The following DIAPH1 variants were observed in gnomAD, a reference collection of about 807,000 sequenced individuals.
The protein encoded by DIAPH1 is diaphanous related formin 1, also known as protein diaphanous homolog 1.
Under a neutral mutation model 140.7 loss-of-function variants are expected in DIAPH1, and 46 were observed. That is an observed-to-expected ratio of 0.33 (90% confidence interval 0.26 to 0.42). The LOEUF (loss-of-function observed/expected upper bound fraction) is 0.42, where lower values mean the gene tolerates loss of function less well. Ranked by LOEUF, DIAPH1 falls within the 10% of genes least tolerant of loss-of-function variation. DIAPH1 has a pLI of 1.00. For synonymous variants in DIAPH1, 565 were observed against 551.6 expected (o/e 1.02, Z -0.34); for missense variants, 1,310 against 1,558.7 (o/e 0.84, Z 2.69).
At chr5:141,591,268 T>C (rs868807406) in intron 1 of DIAPH1, among the ~76,000 whole-genome samples, 2 of 152,238 alleles carry the variant, frequency 1.3e-5, no homozygotes, top group East Asian at 3.9e-4. Context: ...CCTTTCCTTG[T>C]GTTTCCATAG....
chr5:141,524,390 G>A (rs770970698), intron 26 of DIAPH1, 161 bp from the exon 27 acceptor site: 8 of 706,118 alleles, frequency 1.1e-5, no homozygotes, highest in Middle Eastern at 2.6e-4. Context: ...AGTCTCACAC[G>A]CTCATGTTTA....
intron 1 of DIAPH1, among the ~76,000 whole-genome samples, chr5:141,605,738 C>T (rs374348316): frequency 1.7e-4 from 26 of 152,306 alleles, no homozygotes; most frequent in African/African-American, 5.5e-4. Flanking sequence ...GGGTCTCTTC[C>T]GACTCCTTAA....
intron 1 of DIAPH1, 79 bp from the exon 2 acceptor site, chr5:141,588,329 G>T (rs2154596732): frequency 9.2e-7 from 1 of 1,087,596 alleles, no homozygotes; most frequent in Non-Finnish European, 1.4e-6. Flanking sequence ...CACCAGACGG[G>T]TTGGGGAAAA....
intron 14 of DIAPH1, among the ~76,000 whole-genome samples, chr5:141,575,451 C>T (rs1041797509): frequency 6.6e-6 from 1 of 152,166 alleles, no homozygotes; most frequent in Non-Finnish European, 1.5e-5. Context: ...AAGTTCGAGA[C>T]CAACCTGTCC....
chr5:141,596,185 T>C (rs2099899293), intron 1 of DIAPH1, among the ~76,000 whole-genome samples: 2 of 151,878 alleles, frequency 1.3e-5, no homozygotes, highest in East Asian at 1.9e-4. Flanking sequence ...TACAAAAAAT[T>C]AGCCGGGCGT....
chr5:141,542,816 T>C (rs1361062262), intron 18 of DIAPH1, among the ~76,000 whole-genome samples: 1 of 152,328 alleles, frequency 6.6e-6, no homozygotes, highest in South Asian at 2.1e-4. Flanking sequence ...TGCCACTAAA[T>C]TGCTTGCTCT....
At chr5:141,575,924 G>GT (rs894438406) in intron 14 of DIAPH1, among the ~76,000 whole-genome samples, 5 of 152,134 alleles carry the variant, frequency 3.3e-5, no homozygotes, top group Non-Finnish European at 7.4e-5. Context: ...TGTTCTAGGG[G>GT]TAAGAGGCCT....
chr5:141,578,145 C>T, intron 11 of DIAPH1, 80 bp downstream of exon 11: 1 of 1,075,314 alleles, frequency 9.3e-7, no homozygotes, highest in Non-Finnish European at 1.5e-6. Context: ...CATCATCTCC[C>T]AAACCATTCC....
At chr5:141,593,210 A>G (rs2099898758) in intron 1 of DIAPH1, among the ~76,000 whole-genome samples, 1 of 152,188 alleles carries the variant, frequency 6.6e-6, no homozygotes, top group Admixed American at 6.5e-5. Context: ...GAGGCTAAAA[A>G]TAAGACTGGT....
chr5:141,557,305 A>C (rs1416765747), intron 18 of DIAPH1, among the ~76,000 whole-genome samples: 1 of 152,204 alleles, frequency 6.6e-6, no homozygotes, highest in East Asian at 1.9e-4. Flanking sequence ...ACAAGGATAC[A>C]TGTAAAAATA....
chr5:141,524,160 T>A lies in DIAPH1; in HGVS notation c.3644A>T (p.Lys1215Met). The change falls in exon 27 of 28, where the codon AAG (lysine) becomes ATG (methionine). Residue 1215 changes from lysine to methionine, a missense_variant. Lys to Met is a moderately conservative substitution (Grantham distance 95, BLOSUM62 -1). Around this residue, in one of 3 missense-constraint regions of DIAPH1, gnomAD observed 344 missense variants for 512.2 expected, o/e 0.67. Coordinates refer to ENST00000389054, the MANE Select transcript of DIAPH1 (RefSeq NM_005219.5). Reference sequence around the variant, plus strand: ...TTACTTACCTTGACGGGGCCCTCTCTTCCGTCGGAATGCTGCCCCTGACTG... The same window carrying A: ...TTACTTACCTTGACGGGGCCCTCTCATCCGTCGGAATGCTGCCCCTGACTG... ...ALQSGAAFRR[K>M]RGPRQANRKA... 1 of 1,614,138 alleles carries A rather than the reference T, an allele frequency of 6.2e-7. No individual in the cohort carries two copies. Among genetic ancestry groups the A allele is most frequent in the South Asian group, 1.1e-5 (1 of 91,082 alleles).
chr5:141,560,942 G>C (rs1226765630), intron 18 of DIAPH1: 1 of 455,814 alleles, frequency 2.2e-6, no homozygotes, highest in Non-Finnish European at 4.4e-6. Context: ...AAGATGAGGG[G>C]GGGAAGGGGT....
chr5:141,585,462 TCAAA>T (rs1001361108), intron 3 of DIAPH1, among the ~76,000 whole-genome samples: 8 of 152,058 alleles, frequency 5.3e-5, no homozygotes, highest in Non-Finnish European at 1.0e-4. Context: ...ACTCTACAGG[TCAAA>T]CAAACGGTTT....
chr5:141,588,594 T>C (rs2099897901), intron 1 of DIAPH1, among the ~76,000 whole-genome samples: 1 of 151,744 alleles, frequency 6.6e-6, no homozygotes, highest in Admixed American at 6.6e-5. Flanking sequence ...AAAACCACAG[T>C]GAGATATCAA....
intron 22 of DIAPH1, 55 bp from the exon 23 acceptor site, chr5:141,528,637 C>T: frequency 6.2e-7 from 1 of 1,614,212 alleles, no homozygotes; most frequent in Non-Finnish European, 8.5e-7. Flanking sequence ...TGGCCTCCTG[C>T]CAACACTGAA....
chr5:141,539,479 C>T (rs555107332), intron 18 of DIAPH1, among the ~76,000 whole-genome samples: 305 of 141,242 alleles, frequency 2.2e-3, no homozygotes, highest in African/African-American at 8.1e-3. Flanking sequence ...ACCATGTTGG[C>T]CAGGATGGTC....
At chr5:141,592,695 C>G (rs540361991) in intron 1 of DIAPH1, among the ~76,000 whole-genome samples, 52 of 152,310 alleles carry the variant, frequency 3.4e-4, no homozygotes, top group Middle Eastern at 3.4e-3. Flanking sequence ...CAAACCAAAC[C>G]CTTACTGTCC....
intron 7 of DIAPH1, chr5:141,582,085 AAAG>A: frequency 5.8e-5 from 24 of 412,646 alleles, no homozygotes; most frequent in Non-Finnish European, 8.6e-5. Context: ...AAAAAAAAAA[AAAG>A]AGAGAGAAAC....
intron 12 of DIAPH1, among the ~76,000 whole-genome samples, chr5:141,577,202 C>T (rs943386103): frequency 2.0e-5 from 3 of 152,114 alleles, no homozygotes; most frequent in Non-Finnish European, 4.4e-5. Flanking sequence ...TTTAAATTGC[C>T]ACTTCTGTTT....
Sources: allele counts gnomAD v4.1 joint callset (sites outside exome capture counted in the v4.1 genomes callset), GRCh38; gene constraint gnomAD v4.1.1; regional missense constraint gnomAD v4.1.1; transcripts MANE v1.5; gene names NCBI Gene and HGNC (gene_info 2026-07-23, HGNC 2026-07-21).